The following SPATA6 variants were observed in gnomAD, a reference collection of about 807,000 sequenced individuals.
SPATA6 encodes spermatogenesis-associated protein 6.
SPATA6 carries 56 observed loss-of-function variants against 65.3 expected under a neutral mutation model. That is an observed-to-expected ratio of 0.86 (90% confidence interval 0.69 to 1.07). SPATA6 has a LOEUF of 1.07. Among genes scored for constraint, SPATA6 ranks in the 50% least tolerant of loss-of-function variants. The pLI, the probability that SPATA6 is intolerant of heterozygous loss-of-function variation, is 0.00. For missense variants in SPATA6, 590 were observed against 594.8 expected (o/e 0.99, Z 0.08); for synonymous variants, 199 against 213.2 (o/e 0.93, Z 0.58).
chr1:48,453,886 G>C (rs1410743637), intron 1 of SPATA6, among the ~76,000 whole-genome samples: 1 of 150,626 alleles, frequency 6.6e-6, no homozygotes, highest in Non-Finnish European at 1.5e-5. Context: ...AAGTGAGAAA[G>C]AAGGAAATTA....
chr1:48,403,285 A>G (rs1270080168), intron 6 of SPATA6, among the ~76,000 whole-genome samples: 1 of 152,154 alleles, frequency 6.6e-6, no homozygotes, highest in African/African-American at 2.4e-5. Flanking sequence ...AATGTCCAAG[A>G]TTCTCTTGAT....
chr1:48,284,696 G>C, the SPATA6 span, among the ~76,000 whole-genome samples: 2 of 152,164 alleles, frequency 1.3e-5, no homozygotes, highest in African/African-American at 4.8e-5. Context: ...CCCCTCTGCT[G>C]TCTGTGCTGG....
At chr1:48,283,416 C>T in the SPATA6 span, among the ~76,000 whole-genome samples, 4 of 151,164 alleles carry the variant, frequency 2.6e-5, no homozygotes, top group East Asian at 7.8e-4. Context: ...CGCAGTGGCT[C>T]ACACCTGTAA....
At chr1:48,440,937 T>G (rs748221901) in intron 3 of SPATA6, among the ~76,000 whole-genome samples, 1 of 152,156 alleles carries the variant, frequency 6.6e-6, no homozygotes, top group Non-Finnish European at 1.5e-5. Flanking sequence ...ACAGCCTTAG[T>G]CATGGCCCTC....
intron 10 of SPATA6, among the ~76,000 whole-genome samples, chr1:48,358,901 T>A (rs1028971509): frequency 7.9e-5 from 12 of 152,182 alleles, no homozygotes; most frequent in Non-Finnish European, 4.4e-5. Context: ...TAATATAGCA[T>A]CCAAACTAAC....
Position 48,366,074 on chromosome 1 carries a change from C to A in SPATA6, c.910-6304G>T, listed in dbSNP as rs191905444. Among the ~76,000 whole-genome samples the A allele has an allele frequency of 1.9e-4, 29 of 152,246 alleles. No homozygotes were observed. In the East Asian group the frequency reaches 5.0e-3, roughly 26 times the overall value. On this transcript the variant is annotated intron_variant, in intron 9 of 12. Coordinates refer to ENST00000371847, the MANE Select transcript of SPATA6 (RefSeq NM_019073.4). ...AATCATACGGTATTTGTCTTTGGTT[C>A]TGTTTATATGCTGAATTACATTTAT... is the stretch of plus-strand genomic sequence containing the variant.
the SPATA6 span, among the ~76,000 whole-genome samples, chr1:48,272,330 T>C: frequency 6.6e-6 from 1 of 152,114 alleles, no homozygotes. Flanking sequence ...TACCCTTTGA[T>C]CAATATCACC....
At chr1:48,403,697 A>G in intron 6 of SPATA6, 105 bp downstream of exon 6, 1 of 862,792 alleles carries the variant, frequency 1.2e-6, no homozygotes, top group South Asian at 2.0e-5. Flanking sequence ...TTGACCCCCC[A>G]AAAAGTGAAA....
intron 11 of SPATA6, among the ~76,000 whole-genome samples, chr1:48,333,389 T>A (rs1376208388): frequency 6.6e-6 from 1 of 152,180 alleles, no homozygotes; most frequent in Non-Finnish European, 1.5e-5. Flanking sequence ...TTGGCTTCCC[T>A]ACTTTTGAGA....
At chr1:48,396,007 C>G (rs1338768724) in intron 7 of SPATA6, among the ~76,000 whole-genome samples, 2 of 151,580 alleles carry the variant, frequency 1.3e-5, no homozygotes, top group African/African-American at 4.8e-5. Context: ...AGAACCCCTA[C>G]AACTCAATAA....
chr1:48,440,811 C>T (rs908596425), intron 3 of SPATA6, among the ~76,000 whole-genome samples: 119 of 152,138 alleles, frequency 7.8e-4, no homozygotes, highest in African/African-American at 2.8e-3. Context: ...GCTCGAAAAG[C>T]GAGCCCTGGG....
intron 5 of SPATA6, among the ~76,000 whole-genome samples, chr1:48,408,486 TAATC>T (rs1346733374): frequency 1.3e-5 from 2 of 152,362 alleles, no homozygotes; most frequent in South Asian, 2.1e-4. Flanking sequence ...ATTTTACAAT[TAATC>T]TATCTAAACT....
the SPATA6 span, among the ~76,000 whole-genome samples, chr1:48,264,622 G>T: frequency 6.6e-6 from 1 of 152,058 alleles, no homozygotes; most frequent in East Asian, 1.9e-4. Flanking sequence ...TACAGTGTTT[G>T]GTTTTCTGTT....
chr1:48,451,592 C>T lies in SPATA6; in HGVS notation c.198G>A (p.Pro66=), dbSNP rs778469941. ...NARMVFEKVF[P]DAVDPGDVVT... ...CCACATCTCCAGGATCTACTGCGTC[C>T]GGGAACACCTATAGTGAGACGATAC... The change falls in exon 3 of 13, where the codon CCG becomes CCA. Residue 66 remains proline (P), a synonymous_variant. Coordinates refer to ENST00000371847, the MANE Select transcript of SPATA6 (RefSeq NM_019073.4). The T allele has an allele frequency of 3.7e-6, 6 of 1,612,136 alleles. No homozygotes were observed. The highest frequency in any genetic ancestry group is 2.2e-5 in the South Asian group (2 of 90,530).
At chr1:48,320,926 A>C (rs1645581913) in intron 11 of SPATA6, among the ~76,000 whole-genome samples, 1 of 152,218 alleles carries the variant, frequency 6.6e-6, no homozygotes, top group African/African-American at 2.4e-5. Context: ...TTATTTAAGC[A>C]ATCAGTGTTA....
intron 9 of SPATA6, 101 bp from the exon 10 acceptor site, chr1:48,359,871 G>GCA (rs142011220): frequency 6.1e-6 from 5 of 817,530 alleles, no homozygotes; most frequent in Non-Finnish European, 8.7e-6. Flanking sequence ...ATATGCATGT[G>GCA]CACACACACA....
intron 11 of SPATA6, among the ~76,000 whole-genome samples, chr1:48,310,662 A>G (rs1179499229): frequency 6.6e-6 from 1 of 152,200 alleles, no homozygotes; most frequent in African/African-American, 2.4e-5. Context: ...TGATTTTTCA[A>G]CAATGAACAG....
chr1:48,301,722 C>A (rs1455477147), intron 12 of SPATA6, among the ~76,000 whole-genome samples: 1 of 152,060 alleles, frequency 6.6e-6, no homozygotes, highest in Non-Finnish European at 1.5e-5. Flanking sequence ...AGAAATAAAT[C>A]CACACATTTA....
In SPATA6 at chr1:48,356,512, T is replaced by TC. The variant is rs1646664937; in HGVS notation, c.1095-744_1095-743insG. ...GTTTTCTTCCCAGTTTGTCCTTTCT[T>TC]TTTTTTTTTTTTTTTTTTTGACACG... On this transcript the variant is annotated intron_variant, in intron 10 of 12. Coordinates refer to ENST00000371847, the MANE Select transcript of SPATA6 (RefSeq NM_019073.4). Among the ~76,000 whole-genome samples the TC allele has an allele frequency of 7.8e-5, 11 of 140,430 alleles. No homozygotes were observed. The South Asian group carries it at 2.8e-3, about 36-fold the overall frequency. The allele number at this position is 140,430 out of a possible 152,430, so 92.1% of individuals were successfully genotyped here.
Sources: gnomAD v4.1 joint callset for allele counts (sites outside exome capture counted in the v4.1 genomes callset) on GRCh38, gnomAD v4.1.1 for gene constraint, MANE v1.5 for transcripts, NCBI Gene and HGNC (gene_info 2026-07-23, HGNC 2026-07-21) for gene names.